The following TPRG1 variants were observed in gnomAD, a reference collection of about 807,000 sequenced individuals.
The protein encoded by TPRG1 is tumor protein p63 regulated 1, also known as tumor protein p63-regulated gene 1 protein.
A neutral mutation model predicts 29.3 loss-of-function variants in TPRG1; 29 were observed. The ratio of observed to expected loss-of-function variants is 0.99; its 90% CI spans 0.74 to 1.35. The LOEUF is 1.35. TPRG1 is among the 40% of genes most tolerant of loss of function. The pLI is 0.00. For missense variants in TPRG1, 327 were observed against 335.0 expected, an observed-to-expected ratio of 0.98 and a Z score of 0.19; for synonymous variants, 130 against 116.8, an observed-to-expected ratio of 1.11 and a Z score of -0.73.
intron 4 of TPRG1, among the ~76,000 whole-genome samples, chr3:189,089,036 C>T (rs750263266): frequency 6.6e-6 from 1 of 151,622 alleles, no homozygotes; most frequent in African/African-American, 2.4e-5. Context: ...TCTATTAATA[C>T]CTTTTTACAA....
At chr3:189,162,251 C>T (rs1262698228) in intron 5 of TPRG1, among the ~76,000 whole-genome samples, 1 of 152,100 alleles carries the variant, frequency 6.6e-6, no homozygotes, top group East Asian at 1.9e-4. Flanking sequence ...CTTCAGCCTC[C>T]CAAAGTGCTG....
intron 5 of TPRG1, among the ~76,000 whole-genome samples, chr3:189,152,740 T>C (rs182407536): frequency 1.4e-5 from 2 of 146,574 alleles, no homozygotes; most frequent in African/African-American, 5.1e-5. Flanking sequence ...ATTGCTACCC[T>C]CCATTATTAT....
chr3:189,082,446 A>C (rs1007681392), intron 4 of TPRG1, among the ~76,000 whole-genome samples: 18 of 151,416 alleles, frequency 1.2e-4, no homozygotes, highest in African/African-American at 3.9e-4. Flanking sequence ...AAGAATGGTT[A>C]GGCATCTTGT....
At chr3:189,139,294 CCCT>C (rs1724199916) in intron 3 of TPRG1, among the ~76,000 whole-genome samples, 2 of 152,212 alleles carry the variant, frequency 1.3e-5, no homozygotes, top group African/African-American at 4.8e-5. Flanking sequence ...GTTTCACAGA[CCCT>C]CCTCTGTGTA....
intron 5 of TPRG1, among the ~76,000 whole-genome samples, chr3:189,316,141 A>G (rs897173331): frequency 3.9e-5 from 6 of 152,142 alleles, no homozygotes; most frequent in Admixed American, 2.6e-4. Context: ...ATGTTCAGAG[A>G]GGAGGGTTGG....
At position 189,235,246 on chromosome 3, in the gene TPRG1, C is replaced by G. The variant is rs1477591977; in HGVS notation, c.303-3487C>G. ...TTTTTTTTTTTTTTCCAAAGGATCC[C>G]CTCACTGCAGTAGGGTGAAGGGATT... On this transcript the variant is annotated intron_variant, in intron 3 of 5. Transcript: ENST00000345063. Among the ~76,000 whole-genome samples, 3 of 140,434 alleles carry G rather than the reference C, an allele frequency of 2.1e-5. No homozygotes were observed. The East Asian group carries it at 6.9e-4, about 32-fold the overall frequency. The allele number at this position is 140,434 out of a possible 152,430, so 92.1% of individuals were successfully genotyped here.
chr3:189,003,166 T>C (rs1712115473), intron 2 of TPRG1, among the ~76,000 whole-genome samples: 1 of 152,124 alleles, frequency 6.6e-6, no homozygotes, highest in African/African-American at 2.4e-5. Context: ...ACTTACTGCT[T>C]GGTGTAAACC....
At position 189,290,160 on chromosome 3, in the gene TPRG1, A is replaced by G. The variant is rs1169201086; in HGVS notation, c.480-20226A>G. On this transcript the variant is annotated intron_variant, in intron 4 of 5. Coordinates refer to ENST00000345063, the MANE Select transcript of TPRG1 (RefSeq NM_198485.4). The stretch of plus-strand genomic sequence containing the variant: ...TGTGCAGCTTCATAGCCTGACTTAT[A>G]AGAACTTTGCATTATGGTCCTAATC... Among the ~76,000 whole-genome samples, 61 of 152,340 alleles carry G rather than the reference A, an allele frequency of 4.0e-4. 1 individual carries two copies. The highest frequency in any genetic ancestry group is 4.0e-3 in the Admixed American group (61 of 15,298).
intron 3 of TPRG1, among the ~76,000 whole-genome samples, chr3:189,012,711 G>A (rs1712669216): frequency 6.6e-6 from 1 of 151,982 alleles, no homozygotes; most frequent in Non-Finnish European, 1.5e-5. Flanking sequence ...TTTCTTTCTG[G>A]TTCATTCTTG....
intron 3 of TPRG1, among the ~76,000 whole-genome samples, chr3:189,136,612 A>T (rs1723776934): frequency 6.6e-6 from 1 of 152,196 alleles, no homozygotes; most frequent in African/African-American, 2.4e-5. Context: ...TTACTTTAAG[A>T]ATGCGGAAAT....
chr3:189,103,379 T>G (rs1171926321), intron 1 of TPRG1, among the ~76,000 whole-genome samples: 1 of 152,182 alleles, frequency 6.6e-6, no homozygotes, highest in East Asian at 1.9e-4. Flanking sequence ...TACAAAATTC[T>G]TAGCCAGAGA....
chr3:189,227,159 A>G (rs1249691960), intron 3 of TPRG1, among the ~76,000 whole-genome samples: 1 of 151,808 alleles, frequency 6.6e-6, no homozygotes, highest in African/African-American at 2.4e-5. Context: ...CAAAAAAAAA[A>G]GAAAAAAAAG....
At chr3:189,317,070 A>G (rs1462325747) in intron 5 of TPRG1, among the ~76,000 whole-genome samples, 1 of 152,132 alleles carries the variant, frequency 6.6e-6, no homozygotes, top group Non-Finnish European at 1.5e-5. Context: ...AATAGTGCCA[A>G]CTTTTACTTT....
intron 1 of TPRG1, among the ~76,000 whole-genome samples, chr3:189,186,160 C>A (rs760882407): frequency 7.9e-5 from 12 of 152,234 alleles, no homozygotes; most frequent in Admixed American, 1.3e-4. Flanking sequence ...GAGATAAACA[C>A]TAAATGGAAG....
At chr3:189,023,253 C>G (rs560327061) in intron 3 of TPRG1, among the ~76,000 whole-genome samples, 2 of 152,298 alleles carry the variant, frequency 1.3e-5, no homozygotes, top group Admixed American at 6.5e-5. Context: ...GGCTCCTCCC[C>G]GAGCTCTGAG....
intron 3 of TPRG1, among the ~76,000 whole-genome samples, chr3:189,139,088 A>G (rs1724170376): frequency 6.6e-6 from 1 of 152,184 alleles, no homozygotes; most frequent in East Asian, 1.9e-4. Flanking sequence ...AACATTTAGA[A>G]AGCACCATGT....
At chr3:189,186,709 G>A (rs186173464) in intron 1 of TPRG1, among the ~76,000 whole-genome samples, 27 of 151,572 alleles carry the variant, frequency 1.8e-4, no homozygotes, top group African/African-American at 5.6e-4. Flanking sequence ...TAATTAGAGA[G>A]AAAATTGAGA....
intron 2 of TPRG1, among the ~76,000 whole-genome samples, chr3:189,002,563 A>C (rs897025241): frequency 1.3e-5 from 2 of 152,186 alleles, no homozygotes; most frequent in African/African-American, 2.4e-5. Context: ...GAATTCACAG[A>C]GTTGGAAGAA....
intron 1 of TPRG1, among the ~76,000 whole-genome samples, chr3:189,122,847 A>C (rs1268451917): frequency 6.6e-6 from 1 of 152,202 alleles, no homozygotes; most frequent in African/African-American, 2.4e-5. Context: ...TTTTTTAACA[A>C]ATGAAAAAAT....
Sources: gnomAD v4.1 joint callset for allele counts (sites outside exome capture counted in the v4.1 genomes callset) on GRCh38, gnomAD v4.1.1 for gene constraint, MANE v1.5 for transcripts, NCBI Gene and HGNC (gene_info 2026-07-23, HGNC 2026-07-21) for gene names.